The following KIZ variants were observed in gnomAD, a reference collection of about 807,000 sequenced individuals.
KIZ encodes centrosomal protein kizuna.
In KIZ, 68 loss-of-function variants were observed where a neutral mutation model predicts 79.6. The observed-to-expected ratio is 0.85, with a 90% CI of 0.70 to 1.05. KIZ has a LOEUF of 1.05. KIZ is among the 50% of genes least tolerant of loss of function. The pLI is 0.00. For missense variants in KIZ, 797 were observed against 800.4 expected (o/e 1.00, Z 0.05); for synonymous variants, 280 against 281.8 (o/e 0.99, Z 0.06).
intron 6 of KIZ, among the ~76,000 whole-genome samples, chr20:21,182,906 T>C (rs945163010): frequency 3.9e-5 from 6 of 152,098 alleles, no homozygotes; most frequent in African/African-American, 1.2e-4. Flanking sequence ...GCTCAAGAGC[T>C]ATACAACAGC....
intron 9 of KIZ, among the ~76,000 whole-genome samples, chr20:21,224,286 T>TTATA (rs1203598858): frequency 6.6e-6 from 1 of 152,226 alleles, no homozygotes; most frequent in Non-Finnish European, 1.5e-5. Context: ...GCCCTTATTT[T>TTATA]TATTTAAGCA....
intron 6 of KIZ, among the ~76,000 whole-genome samples, chr20:21,164,347 G>C (rs2033832872): frequency 6.6e-6 from 1 of 152,172 alleles, no homozygotes; most frequent in Non-Finnish European, 1.5e-5. Flanking sequence ...CAGAGTTCTT[G>C]CACTATGGAT....
At chr20:21,200,690 G>A (rs1461903924) in intron 6 of KIZ, among the ~76,000 whole-genome samples, 1 of 152,070 alleles carries the variant, frequency 6.6e-6, no homozygotes, top group Non-Finnish European at 1.5e-5. Context: ...CCGCCCTCCT[G>A]CCACTCACCT....
chr20:21,159,939 C>G (rs1265356151), intron 4 of KIZ, among the ~76,000 whole-genome samples: 2 of 152,224 alleles, frequency 1.3e-5, no homozygotes, highest in Admixed American at 6.5e-5. Context: ...CCAAACTCTT[C>G]TAAAGTGGGT....
At chr20:21,165,321 G>A (rs1391553075) in intron 6 of KIZ, among the ~76,000 whole-genome samples, 2 of 152,118 alleles carry the variant, frequency 1.3e-5, no homozygotes, top group African/African-American at 2.4e-5. Context: ...GGGTCTGGAG[G>A]AAAATGCAAG....
chr20:21,191,728 A>C (rs940812409), intron 6 of KIZ, among the ~76,000 whole-genome samples: 1 of 152,148 alleles, frequency 6.6e-6, no homozygotes, highest in Non-Finnish European at 1.5e-5. Context: ...GGGGGGAAGC[A>C]TCCAGAAAGG....
chr20:21,154,697 A>G (rs1286093224), intron 4 of KIZ, among the ~76,000 whole-genome samples: 1 of 152,190 alleles, frequency 6.6e-6, no homozygotes, highest in East Asian at 1.9e-4. Context: ...TGAATTCCTA[A>G]TATTATTCCT....
At chr20:21,229,469 T>C (rs2036767866) in intron 10 of KIZ, among the ~76,000 whole-genome samples, 1 of 152,274 alleles carries the variant, frequency 6.6e-6, no homozygotes, top group Non-Finnish European at 1.5e-5. Flanking sequence ...AGTGTTGTAC[T>C]GGGCTGCTTT....
chr20:21,222,214 G>A (rs969319377), intron 9 of KIZ, among the ~76,000 whole-genome samples: 1 of 152,200 alleles, frequency 6.6e-6, no homozygotes, highest in African/African-American at 2.4e-5. Flanking sequence ...AGGGTCTTCT[G>A]GACTGGATGC....
intron 7 of KIZ, among the ~76,000 whole-genome samples, chr20:21,209,478 T>A (rs922375379): frequency 6.6e-6 from 1 of 152,138 alleles, no homozygotes; most frequent in African/African-American, 2.4e-5. Context: ...CACAGACCAG[T>A]TTTATTCACC....
At chr20:21,233,346 T>C (rs918862537) in intron 11 of KIZ, among the ~76,000 whole-genome samples, 2 of 152,246 alleles carry the variant, frequency 1.3e-5, no homozygotes, top group African/African-American at 2.4e-5. Context: ...ATTTATCTTT[T>C]CACATTTGTC....
intron 11 of KIZ, among the ~76,000 whole-genome samples, chr20:21,241,806 G>A (rs1195789949): frequency 1.3e-5 from 2 of 152,144 alleles, no homozygotes; most frequent in African/African-American, 2.4e-5. Flanking sequence ...ACACACACTC[G>A]CATAGATGTT....
At chr20:21,215,450 A>G (rs1161819916) in intron 8 of KIZ, 133 bp from the exon 9 acceptor site, 3 of 448,618 alleles carry the variant, frequency 6.7e-6, no homozygotes, top group African/African-American at 5.9e-5. Flanking sequence ...TCCTTTTAGG[A>G]ACAGTATTGT....
In KIZ at chr20:21,177,634, G is replaced by A. The variant is rs369392983; in HGVS notation, c.1352+14475G>A. ...TTTTGTTGCCTGTGCTTTTGGTGTCGTATCCATGAAATCTTTGCCAAGGCC... is the reference window on the plus strand; with the variant it reads ...TTTTGTTGCCTGTGCTTTTGGTGTCATATCCATGAAATCTTTGCCAAGGCC... On this transcript the variant is annotated intron_variant, in intron 6 of 12. Transcript: ENST00000619189. Among the ~76,000 whole-genome samples the A allele has an allele frequency of 1.3e-3, 198 of 152,022 alleles. 1 individual carries two copies. The highest frequency in any genetic ancestry group is 2.2e-3 in the Non-Finnish European group (152 of 67,906).
intron 3 of KIZ, 84 bp from the exon 4 acceptor site, chr20:21,145,481 C>G (rs574236282): frequency 4.2e-4 from 200 of 480,102 alleles, no homozygotes; most frequent in Non-Finnish European, 4.7e-4. Context: ...TCAATGCTCC[C>G]TGTATGTTGT....
Position 21,162,077 on chromosome 20 carries a change from A to G in KIZ, c.612A>G (p.Thr204=), listed in dbSNP as rs760190968. ...AGACAGCCCAGAGCAGTAATGTGACAGACAGCTGTGTAGTACAAACTAGTA... is the reference window on the plus strand; with the variant it reads ...AGACAGCCCAGAGCAGTAATGTGACGGACAGCTGTGTAGTACAAACTAGTA... The part of the protein sequence containing the change: ...HRQTAQSSNV[T]DSCVVQTSND... Residue 204 remains threonine (T), a synonymous_variant, in exon 5 of 13, where the codon ACA becomes ACG. Coordinates refer to ENST00000619189, the MANE Select transcript of KIZ (RefSeq NM_018474.6). The G allele has an allele frequency of 1.2e-6, 2 of 1,613,930 alleles. No homozygotes were observed. Among genetic ancestry groups the G allele is most frequent in the Non-Finnish European group, 1.7e-6 (2 of 1,179,800 alleles).
At chr20:21,128,225 C>A (rs2031609333) in intron 1 of KIZ, among the ~76,000 whole-genome samples, 1 of 152,150 alleles carries the variant, frequency 6.6e-6, no homozygotes, top group African/African-American at 2.4e-5. Flanking sequence ...GTTGGCCAGG[C>A]TGATCTCGAA....
At chr20:21,175,030 T>C (rs2034374539) in intron 6 of KIZ, among the ~76,000 whole-genome samples, 1 of 152,238 alleles carries the variant, frequency 6.6e-6, no homozygotes, top group Admixed American at 6.5e-5. Context: ...CACAGTTGCC[T>C]GTTTCTCTTG....
chr20:21,210,171 A>T (rs112991991), intron 7 of KIZ, among the ~76,000 whole-genome samples: 2,209 of 152,148 alleles, frequency 0.015, 48 homozygotes, highest in African/African-American at 0.05. Context: ...AGCCAGGTGT[A>T]ATGGCATGCA....
Sources: allele counts gnomAD v4.1 joint callset (sites outside exome capture counted in the v4.1 genomes callset), GRCh38; gene constraint gnomAD v4.1.1; transcripts MANE v1.5; gene names NCBI Gene and HGNC (gene_info 2026-07-23, HGNC 2026-07-21).